Variants in CTBP1 observed in about 807,000 individuals in gnomAD.
CTBP1 encodes the protein C-terminal-binding protein 1.
In CTBP1, 11 loss-of-function variants were observed where a neutral mutation model predicts 42.1. The ratio of observed to expected loss-of-function variants is 0.26; its 90% confidence interval spans 0.16 to 0.43. The LOEUF (loss-of-function observed/expected upper bound fraction) is 0.43. CTBP1 is among the 20% of genes least tolerant of loss of function. The pLI is 1.00. For synonymous variants in CTBP1, 324 were observed against 277.1 expected (o/e 1.17, Z -1.68); for missense variants, 399 against 624.3 (o/e 0.64, Z 3.85).
chr4:1,213,517 G>C lies in CTBP1; in HGVS notation c.949C>G (p.Arg317Gly). The change falls in exon 8 of 10, where the codon CGA becomes GGA. Residue 317 changes from arginine (R) to glycine (G), a missense_variant. Around this residue, in one of 4 missense-constraint regions of CTBP1, gnomAD observed 309 missense variants for 497.5 expected, o/e 0.62. Coordinates refer to ENST00000382952, the MANE Select transcript of CTBP1 (RefSeq NM_001012614.2). The part of the protein sequence containing the change: ...WYSEQASIEM[R>G]EEAAREIRRA... ...CGGATCTCCCGTGCCGCCTCCTCTCGCATCTCGATGGATGCCTGCTCGCTG... is the reference window on the plus strand; with the variant it reads ...CGGATCTCCCGTGCCGCCTCCTCTCCCATCTCGATGGATGCCTGCTCGCTG... 6.2e-7 allele frequency: 1 copy of C among 1,612,786 alleles called. No homozygotes were observed. Among genetic ancestry groups the C allele is most frequent in the Non-Finnish European group, 8.5e-7 (1 of 1,179,898 alleles).
At chr4:1,234,369 T>TG (rs1402680201) in intron 3 of CTBP1, among the ~76,000 whole-genome samples, 8 of 152,222 alleles carry the variant, frequency 5.3e-5, no homozygotes, top group African/African-American at 1.4e-4. Context: ...GGTTAGGGGC[T>TG]GCTTCAGGCC....
chr4:1,240,086 G>A (rs371628440), intron 2 of CTBP1, among the ~76,000 whole-genome samples: 20 of 152,382 alleles, frequency 1.3e-4, no homozygotes, highest in African/African-American at 3.6e-4. Context: ...ATGGACACAC[G>A]GGATCACTGC....
intron 3 of CTBP1, chr4:1,236,350 G>C: frequency 2.2e-6 from 1 of 450,216 alleles, no homozygotes; most frequent in Non-Finnish European, 4.0e-6. Context: ...GCTGCCCAAA[G>C]GCTGCTCACT....
intron 7 of CTBP1, 164 bp downstream of exon 7, chr4:1,214,179 C>G (rs1288578736): frequency 8.7e-6 from 8 of 914,834 alleles, no homozygotes; most frequent in Non-Finnish European, 1.2e-5. Context: ...GAGCCCGTGG[C>G]TCCATCCTCA....
chr4:1,242,449 A>T, intron 1 of CTBP1: 1 of 985,388 alleles, frequency 1.0e-6, no homozygotes, highest in Non-Finnish European at 1.2e-6. Context: ...CCACTCAGCC[A>T]AGCCTAAGAC....
chr4:1,241,999 A>G, intron 1 of CTBP1: 1 of 1,002,110 alleles, frequency 1.0e-6, no homozygotes. Flanking sequence ...CCACCGGGAG[A>G]GGTGCTGCTG....
chr4:1,241,769 A>G (rs769691339), intron 1 of CTBP1: 213 of 1,187,868 alleles, frequency 1.8e-4, no homozygotes, highest in Non-Finnish European at 2.1e-4. Context: ...CCCGAGGCCT[A>G]CTCCTGGGAA....
chr4:1,225,653 G>C, intron 4 of CTBP1, 87 bp from the exon 5 acceptor site: 1 of 1,362,580 alleles, frequency 7.3e-7, no homozygotes, highest in South Asian at 1.4e-5. Flanking sequence ...GAGCGGGTTT[G>C]AAGCTTCCCA....
At chr4:1,214,552 A>G (rs1456964751) in intron 6 of CTBP1, 79 bp from the exon 7 acceptor site, 4 of 1,478,938 alleles carry the variant, frequency 2.7e-6, no homozygotes, top group South Asian at 1.4e-5. Context: ...GTGGTCACGC[A>G]CGCCGTTGGG....
intron 5 of CTBP1, 140 bp downstream of exon 5, chr4:1,225,220 C>A (rs994241859): frequency 1.0e-6 from 1 of 991,050 alleles, no homozygotes; most frequent in Non-Finnish European, 1.4e-6. Context: ...GGTGCCTGTG[C>A]GCACTCAGTC....
chr4:1,245,772 G>C (rs1465472618), intron 1 of CTBP1, among the ~76,000 whole-genome samples: 1 of 152,090 alleles, frequency 6.6e-6, no homozygotes, highest in Non-Finnish European at 1.5e-5. Flanking sequence ...AGGGTGGCTT[G>C]GGCCACACCA....
intron 2 of CTBP1, among the ~76,000 whole-genome samples, chr4:1,240,926 C>A (rs866508168): frequency 6.6e-6 from 1 of 152,246 alleles, no homozygotes; most frequent in Non-Finnish European, 1.5e-5. Flanking sequence ...CGCAGACCAA[C>A]CACAAGGAAC....
chr4:1,226,292 C>T (rs1365560244), intron 4 of CTBP1, among the ~76,000 whole-genome samples: 1 of 152,134 alleles, frequency 6.6e-6, no homozygotes, highest in Non-Finnish European at 1.5e-5. Context: ...CACGGCACTT[C>T]CCACCCCATC....
chr4:1,225,439 G>T lies in CTBP1; in HGVS notation c.435C>A (p.Val145=). The T allele has an allele frequency of 6.5e-7, 1 of 1,549,250 alleles. No individual in the cohort carries two copies. The change falls in exon 5 of 10, where the codon GTC becomes GTA. Residue 145 remains valine (V), a synonymous_variant. Coordinates refer to ENST00000382952, the MANE Select transcript of CTBP1 (RefSeq NM_001012614.2). ...LHQALREGTR[V]QSVEQIREVA... ...CCTCGCGGATCTGCTCGACGCTCTG[G>T]ACTCGTGTGCCCTCCCGCAGCGCCT...
In CTBP1 at chr4:1,241,361, A is replaced by T; in HGVS notation, c.-30T>A. The stretch of plus-strand genomic sequence containing the variant: ...TAATATGGGCTCAGCTTCCACGACC[A>T]TGAATTCGACTTTTCAAAGCTTTTT... On this transcript the variant is annotated 5_prime_UTR_variant, in exon 2 of 10. An upstream start codon of the reference 5' UTR is lost. Transcript: ENST00000382952. The T allele has an allele frequency of 9.8e-7, 1 of 1,021,274 alleles. No homozygotes were observed. The highest frequency in any genetic ancestry group is 1.6e-5 in the African/African-American group (1 of 63,710). The allele number at this position is 1,021,274 out of a possible 1,614,324, so 63.3% of individuals were successfully genotyped here.
Position 1,225,351 on chromosome 4 carries a change from C to A in CTBP1, c.514+9G>T, listed in dbSNP as rs1448149806. 6 of 1,543,132 alleles carry A rather than the reference C, an allele frequency of 3.9e-6. No homozygotes were observed. In the South Asian group the frequency reaches 5.9e-5, roughly 15 times the overall value. On this transcript the variant is annotated intron_variant, in intron 5 of 9. Transcript: ENST00000382952. ...GAGGGACACAGGCGTGGAGCTGCGG[C>A]CGACGCACCAAGTCCGATGATGCCC...
intron 3 of CTBP1, chr4:1,231,000 T>C (rs1397490483): frequency 1.3e-5 from 2 of 152,280 alleles, no homozygotes; most frequent in Non-Finnish European, 2.9e-5. Context: ...TCCTTGCCCT[T>C]TTCCCTACTG....
chr4:1,249,411 A>G (rs1476547276), upstream of CTBP1: 2 of 152,194 alleles, frequency 1.3e-5, no homozygotes, highest in Admixed American at 6.6e-5. Context: ...CGCCCCGAGG[A>G]CCCTGCGGGC....
At chr4:1,232,022 C>T (rs1445470205) in intron 3 of CTBP1, among the ~76,000 whole-genome samples, 2 of 152,234 alleles carry the variant, frequency 1.3e-5, no homozygotes, top group African/African-American at 4.8e-5. Context: ...TTTTCTGTTT[C>T]TACTGATTGG....
Sources: allele counts gnomAD v4.1 joint callset (sites outside exome capture counted in the v4.1 genomes callset), GRCh38; gene constraint gnomAD v4.1.1; regional missense constraint gnomAD v4.1.1; transcripts MANE v1.5; gene names NCBI Gene and HGNC (gene_info 2026-07-23, HGNC 2026-07-21).